The following CENPH variants were observed in gnomAD, a reference collection of about 807,000 sequenced individuals.
CENPH encodes the protein CENP-H.
Under a neutral mutation model 42.9 loss-of-function variants are expected in CENPH, and 40 were observed. That is an observed-to-expected ratio of 0.93 (90% CI 0.72 to 1.21). The LOEUF is 1.21. Ranked by LOEUF, CENPH falls within the 50% of genes most tolerant of loss-of-function variation. The pLI is 0.00. For missense variants in CENPH, 302 were observed against 292.9 expected (o/e 1.03, Z -0.23); for synonymous variants, 88 against 96.5 (o/e 0.91, Z 0.52).
At chr5:69,199,545 A>G (rs1455159613) in intron 5 of CENPH, among the ~76,000 whole-genome samples, 1 of 152,156 alleles carries the variant, frequency 6.6e-6, no homozygotes, top group Non-Finnish European at 1.5e-5. Context: ...GGGAGGGGTA[A>G]GGAAGAGGAG....
At chr5:69,208,168 G>A (rs1748191107) in intron 7 of CENPH, 28 bp from the exon 8 acceptor site, 1 of 1,214,610 alleles carries the variant, frequency 8.2e-7, no homozygotes, top group Non-Finnish European at 1.2e-6. Context: ...ATTATATATG[G>A]TATATTATTT....
At chr5:69,200,481 C>T (rs569498881) in intron 5 of CENPH, among the ~76,000 whole-genome samples, 2 of 152,262 alleles carry the variant, frequency 1.3e-5, no homozygotes, top group East Asian at 3.9e-4. Context: ...CATGAATTGT[C>T]TTCTCAAATA....
chr5:69,197,014 T>C, intron 4 of CENPH, 39 bp from the exon 5 acceptor site: 1 of 1,370,760 alleles, frequency 7.3e-7, no homozygotes, highest in Non-Finnish European at 1.0e-6. Flanking sequence ...CCACAAATGT[T>C]ATCCATGTTT....
intron 7 of CENPH, among the ~76,000 whole-genome samples, chr5:69,204,919 C>CTTTT (rs375795328): frequency 1.0e-5 from 1 of 99,430 alleles, no homozygotes; most frequent in Non-Finnish European, 2.0e-5. Context: ...TTTTCTTTTT[C>CTTTT]TTTTTTTTTT....
intron 2 of CENPH, among the ~76,000 whole-genome samples, chr5:69,192,610 C>G (rs1001377717): frequency 3.9e-5 from 6 of 152,038 alleles, no homozygotes; most frequent in Admixed American, 3.9e-4. Context: ...GAGACCTCGT[C>G]CCTACAAAAA....
At position 69,191,502 on chromosome 5, in the gene CENPH, A is replaced by G. The variant is rs1449728273; in HGVS notation, c.135-293A>G. Reference sequence around the variant, plus strand: ...ACTCCAGCCTGGGCAAGAGTGCAAGACTCCGTCTCAAAAAAAGAAAAAAAT... The same window carrying G: ...ACTCCAGCCTGGGCAAGAGTGCAAGGCTCCGTCTCAAAAAAAGAAAAAAAT... On this transcript the variant is annotated intron_variant, in intron 1 of 8. Transcript: ENST00000283006. Among the ~76,000 whole-genome samples the G allele has an allele frequency of 3.9e-5, 6 of 152,098 alleles. No homozygotes were observed. In the South Asian group the frequency reaches 1.2e-3, roughly 32 times the overall value.
In CENPH at chr5:69,208,285, G is replaced by A. The variant is rs1390760283; in HGVS notation, c.577G>A (p.Glu193Lys). Residue 193 changes from glutamate (E) to lysine (K), a missense_variant, in exon 8 of 9, where the codon GAG becomes AAG. Coordinates refer to ENST00000283006, the MANE Select transcript of CENPH (RefSeq NM_022909.4). The part of the protein sequence containing the change: ...KIDLDSMENS[E>K]RIKIIRQNLQ... ...TGATTTGGACAGTATGGAAAACTCAGAGAGGATAAAGATCATACGACAAAA... is the reference window on the plus strand; with the variant it reads ...TGATTTGGACAGTATGGAAAACTCAAAGAGGATAAAGATCATACGACAAAA... 1.9e-6 allele frequency: 3 copies of A among 1,598,018 alleles called. No homozygotes were observed. The African/African-American group carries it at 4.0e-5, about 21-fold the overall frequency.
intron 1 of CENPH, among the ~76,000 whole-genome samples, chr5:69,191,385 G>A (rs1256945240): frequency 6.6e-6 from 1 of 152,174 alleles, no homozygotes; most frequent in Non-Finnish European, 1.5e-5. Flanking sequence ...GGTGGCAGGC[G>A]CCTGTAGTCC....
intron 1 of CENPH, among the ~76,000 whole-genome samples, chr5:69,191,146 A>T (rs1275494456): frequency 6.6e-6 from 1 of 152,192 alleles, no homozygotes; most frequent in African/African-American, 2.4e-5. Context: ...GTTTGTAAAT[A>T]CAGTGGTTTG....
chr5:69,194,185 A>T (rs1160885859), intron 2 of CENPH, among the ~76,000 whole-genome samples: 1 of 151,000 alleles, frequency 6.6e-6, no homozygotes, highest in Non-Finnish European at 1.5e-5. Flanking sequence ...TTTTGAGATG[A>T]TCTCACTCAG....
intron 5 of CENPH, among the ~76,000 whole-genome samples, chr5:69,200,572 G>C (rs370070929): frequency 6.6e-6 from 1 of 152,020 alleles, no homozygotes; most frequent in East Asian, 1.9e-4. Context: ...AATGAGTTCA[G>C]CTCTCCCAGG....
chr5:69,207,667 G>A (rs1008330790), intron 7 of CENPH: 6 of 151,818 alleles, frequency 4.0e-5, no homozygotes, highest in Admixed American at 3.9e-4. Context: ...ACATTAGCCA[G>A]GTGTGGTGGT....
At chr5:69,195,886 T>TGAG in intron 4 of CENPH, 95 bp downstream of exon 4, 1 of 569,922 alleles carries the variant, frequency 1.8e-6, no homozygotes, top group Admixed American at 3.8e-5. Flanking sequence ...GCTGAGTGAA[T>TGAG]TAGTCAAGCA....
chr5:69,193,539 C>T (rs1747913643), intron 2 of CENPH, among the ~76,000 whole-genome samples: 1 of 151,852 alleles, frequency 6.6e-6, no homozygotes, highest in South Asian at 2.1e-4. Flanking sequence ...ATTACTTAAG[C>T]CTGGGATATC....
At chr5:69,205,894 A>G (rs576961974) in intron 7 of CENPH, among the ~76,000 whole-genome samples, 1 of 151,028 alleles carries the variant, frequency 6.6e-6, no homozygotes, top group African/African-American at 2.4e-5. Context: ...TATTTTTAGT[A>G]GAGACCGGAT....
chr5:69,191,522 A>T (rs1015365142), intron 1 of CENPH, among the ~76,000 whole-genome samples: 10 of 152,214 alleles, frequency 6.6e-5, no homozygotes, highest in Non-Finnish European at 1.5e-4. Flanking sequence ...AAAAAAAGAA[A>T]AAAATCTTAA....
Position 69,209,838 on chromosome 5 carries a change from T to C in CENPH, c.*39T>C, listed in dbSNP as rs1748218194. The C allele has an allele frequency of 1.8e-6, 2 of 1,140,676 alleles. No individual in the cohort carries two copies. Among genetic ancestry groups the C allele is most frequent in the East Asian group, 2.3e-5 (1 of 42,556 alleles). The allele number at this position is 1,140,676 out of a possible 1,614,324, so 70.7% of individuals were successfully genotyped here. A position where few individuals can be genotyped will look rare whatever the true frequency, so the allele number is the denominator to read the frequency against. ...CTGACATATTTTACATTTCTGGCAA[T>C]CTCAACTCTTATTTGGAATACTTCT... On this transcript the variant is annotated 3_prime_UTR_variant, in exon 9 of 9. Coordinates refer to ENST00000283006, the MANE Select transcript of CENPH (RefSeq NM_022909.4).
At chr5:69,198,812 T>C (rs187050668) in intron 5 of CENPH, among the ~76,000 whole-genome samples, 24 of 152,190 alleles carry the variant, frequency 1.6e-4, no homozygotes, top group Admixed American at 3.9e-4. Flanking sequence ...GAGCCACCAG[T>C]AGTCCTTGCT....
intron 7 of CENPH, among the ~76,000 whole-genome samples, chr5:69,204,051 T>TTATATATATTTA (rs1748105721): frequency 1.6e-5 from 1 of 61,944 alleles, no homozygotes; most frequent in Non-Finnish European, 3.1e-5. Flanking sequence ...TATTTATATA[T>TTATATATATTTA]TATATATATA....
Sources: gnomAD v4.1 joint callset for allele counts (sites outside exome capture counted in the v4.1 genomes callset) on GRCh38, gnomAD v4.1.1 for gene constraint, MANE v1.5 for transcripts, NCBI Gene and HGNC (gene_info 2026-07-23, HGNC 2026-07-21) for gene names.